PTPRN2: variants seen among roughly 807,000 people sequenced by gnomAD.
The protein encoded by PTPRN2 is receptor-type tyrosine-protein phosphatase N2.
In PTPRN2, 74 loss-of-function variants were observed where a neutral mutation model predicts 118.8. That is an observed-to-expected ratio of 0.62 (90% CI 0.52 to 0.76). The LOEUF is 0.76. Ranked by LOEUF, PTPRN2 falls within the 30% of genes least tolerant of loss-of-function variation. PTPRN2 has a pLI of 0.00. For synonymous variants in PTPRN2, 641 were observed against 608.0 expected, an observed-to-expected ratio of 1.05 and a Z score of -0.80; for missense variants, 1,481 against 1,394.4, an observed-to-expected ratio of 1.06 and a Z score of -0.99.
chr7:157,800,062 T>A (rs1805155488), intron 12 of PTPRN2, among the ~76,000 whole-genome samples: 1 of 129,962 alleles, frequency 7.7e-6, no homozygotes, highest in Admixed American at 8.0e-5. Flanking sequence ...GCCTCCCCCA[T>A]CCCTTAGAGG....
At chr7:158,100,244 G>GGTGTGT (rs3065708) in intron 10 of PTPRN2, among the ~76,000 whole-genome samples, 85 of 147,420 alleles carry the variant, frequency 5.8e-4, no homozygotes, top group East Asian at 1.0e-3. Context: ...TATTCCATGG[G>GGTGTGT]GTGTGTGTGT....
intron 12 of PTPRN2, among the ~76,000 whole-genome samples, chr7:157,777,743 G>A (rs759659395): frequency 5.9e-5 from 9 of 152,284 alleles, no homozygotes; most frequent in Middle Eastern, 3.4e-3. Context: ...GGGCAGGCTC[G>A]CTCATTTATA....
At chr7:158,008,709 C>G (rs1464662615) in intron 11 of PTPRN2, among the ~76,000 whole-genome samples, 2 of 152,368 alleles carry the variant, frequency 1.3e-5, no homozygotes, top group Middle Eastern at 3.4e-3. Context: ...TATCTTCACA[C>G]AGCGCTTGGC....
rs117762153 is a variant in PTPRN2 at position 158,203,938 on chromosome 7, T to C, written c.380+1233A>G. Among the ~76,000 whole-genome samples, 1,522 of 150,940 alleles carry C rather than the reference T, an allele frequency of 0.01. 81 individuals are homozygous for C. The East Asian group carries it at 0.18, about 17-fold the overall frequency. Reference sequence around the variant, plus strand: ...CACAGAAGCACAAAGAGGCAGCCCCTGCCCTCAGTGTGCGCCGCGTGCTGA... The same window carrying C: ...CACAGAAGCACAAAGAGGCAGCCCCCGCCCTCAGTGTGCGCCGCGTGCTGA... On this transcript the variant is annotated intron_variant, in intron 4 of 22. Transcript: ENST00000389418.
intron 6 of PTPRN2, 141 bp from the exon 7 acceptor site, chr7:158,138,656 G>C (rs1318122607): frequency 1.4e-6 from 1 of 691,732 alleles, no homozygotes; most frequent in African/African-American, 1.8e-5. Flanking sequence ...CCAGTGCTCA[G>C]AGAAGATTGG....
chr7:157,698,138 C>T (rs1255007827), intron 12 of PTPRN2, among the ~76,000 whole-genome samples: 1 of 152,184 alleles, frequency 6.6e-6, no homozygotes, highest in Non-Finnish European at 1.5e-5. Flanking sequence ...ATAAGCAATG[C>T]AAATGTAAGC....
chr7:157,686,606 C>T (rs1017457486), intron 12 of PTPRN2, among the ~76,000 whole-genome samples: 1 of 152,182 alleles, frequency 6.6e-6, no homozygotes, highest in African/African-American at 2.4e-5. Context: ...AGAGCCCAGA[C>T]TAATTAGAGG....
At chr7:157,722,405 G>A (rs968901286) in intron 12 of PTPRN2, among the ~76,000 whole-genome samples, 10 of 152,328 alleles carry the variant, frequency 6.6e-5, no homozygotes, top group East Asian at 3.9e-4. Context: ...GGGGCAGGGC[G>A]GGGGTGCAGG....
intron 11 of PTPRN2, among the ~76,000 whole-genome samples, chr7:158,065,352 G>C (rs1384580550): frequency 1.3e-5 from 2 of 152,210 alleles, no homozygotes; most frequent in South Asian, 2.1e-4. Context: ...TAAGATCATG[G>C]GGGAGTCCTG....
intron 12 of PTPRN2, among the ~76,000 whole-genome samples, chr7:157,710,779 G>C (rs1157786670): frequency 4.0e-5 from 1 of 25,088 alleles, no homozygotes; most frequent in Non-Finnish European, 2.0e-4. Flanking sequence ...GAGGGGTTCC[G>C]GGGCAGCCGG....
intron 12 of PTPRN2, among the ~76,000 whole-genome samples, chr7:157,718,831 C>T (rs778663955): frequency 2.0e-4 from 31 of 152,278 alleles, no homozygotes; most frequent in Middle Eastern, 3.4e-3. Flanking sequence ...CTGCCGCAAT[C>T]GGTCCTTCCA....
intron 6 of PTPRN2, among the ~76,000 whole-genome samples, chr7:158,157,615 C>T (rs1025121939): frequency 2.0e-4 from 31 of 152,320 alleles, no homozygotes; most frequent in South Asian, 2.1e-4. Context: ...CACGCAGGTC[C>T]GAGGCTGCCA....
At chr7:158,245,752 C>T (rs1232075173) in intron 3 of PTPRN2, among the ~76,000 whole-genome samples, 1 of 152,178 alleles carries the variant, frequency 6.6e-6, no homozygotes, top group Admixed American at 6.5e-5. Flanking sequence ...GCTGTGTGAA[C>T]AGGTGAGTGG....
rs77458014 is a variant in PTPRN2, at chr7:158,226,010, G to A, written c.278-20737C>T. The stretch of plus-strand genomic sequence containing the variant: ...TGGGGAGCAGTAAAAGCTCTGCATC[G>A]GACAGAAATATCATCCAACTGTGTC... On this transcript the variant is annotated intron_variant, in intron 3 of 22. Coordinates refer to ENST00000389418, the MANE Select transcript of PTPRN2 (RefSeq NM_002847.5). Among the ~76,000 whole-genome samples the A allele has an allele frequency of 0.01, 1,580 of 152,044 alleles. 84 individuals carry two copies. In the East Asian group the frequency reaches 0.17, roughly 16 times the overall value.
chr7:157,922,397 T>A (rs896402362), intron 11 of PTPRN2, among the ~76,000 whole-genome samples: 2 of 152,198 alleles, frequency 1.3e-5, no homozygotes, highest in African/African-American at 2.4e-5. Flanking sequence ...TGGGTCTCAG[T>A]CCTGCAGTCC....
chr7:158,560,693 G>A (rs928430217), intron 1 of PTPRN2, among the ~76,000 whole-genome samples: 3 of 152,246 alleles, frequency 2.0e-5, no homozygotes, highest in South Asian at 4.1e-4. Context: ...GCACATGGGC[G>A]GCACTTTTCA....
At chr7:157,802,287 G>A (rs562275405) in intron 12 of PTPRN2, among the ~76,000 whole-genome samples, 1 of 152,128 alleles carries the variant, frequency 6.6e-6, no homozygotes, top group Non-Finnish European at 1.5e-5. Flanking sequence ...TCTCTTCTTC[G>A]GTGCGTTCAA....
At chr7:158,245,297 C>T (rs1004074896) in intron 3 of PTPRN2, among the ~76,000 whole-genome samples, 1 of 151,826 alleles carries the variant, frequency 6.6e-6, no homozygotes. Flanking sequence ...TGCCAGAATC[C>T]GTGGTCATGC....
chr7:157,937,346 G>A (rs1799773092), intron 11 of PTPRN2, among the ~76,000 whole-genome samples: 2 of 152,188 alleles, frequency 1.3e-5, no homozygotes, highest in African/African-American at 4.8e-5. Flanking sequence ...GGTTTTGAAG[G>A]TGGATACAGA....
Sources: allele counts gnomAD v4.1 joint callset (sites outside exome capture counted in the v4.1 genomes callset), GRCh38; gene constraint gnomAD v4.1.1; transcripts MANE v1.5; gene names NCBI Gene and HGNC (gene_info 2026-07-23, HGNC 2026-07-21).